The following FBXO31 variants were observed in gnomAD, a reference collection of about 807,000 sequenced individuals.
FBXO31 encodes the protein F-box protein 31.
In FBXO31, 24 loss-of-function variants were observed where a neutral mutation model predicts 54.4. That is an observed-to-expected ratio of 0.44 (90% CI 0.32 to 0.62). The LOEUF (loss-of-function observed/expected upper bound fraction) is 0.62, where lower values mean the gene tolerates loss of function less well. Ranked by LOEUF, FBXO31 falls within the 20% of genes least tolerant of loss-of-function variation. The pLI is 0.05. For synonymous variants in FBXO31, 388 were observed against 335.6 expected, an observed-to-expected ratio of 1.16 and a Z score of -1.71; for missense variants, 665 against 787.1, an observed-to-expected ratio of 0.84 and a Z score of 1.86.
At chr16:87,382,964 C>G (rs1396047852) in intron 1 of FBXO31, among the ~76,000 whole-genome samples, 1 of 152,150 alleles carries the variant, frequency 6.6e-6, no homozygotes, top group African/African-American at 2.4e-5. Flanking sequence ...CACCTCGTCT[C>G]TGGTCAGGGC....
chr16:87,333,782 G>A (rs930255486), intron 8 of FBXO31, 104 bp downstream of exon 8: 4 of 1,487,354 alleles, frequency 2.7e-6, no homozygotes, highest in Admixed American at 4.6e-5. Context: ...GCCGCCCTCT[G>A]TGAGGTCACA....
At chr16:87,388,749 T>C (rs1177360967), upstream of FBXO31, 1 of 152,270 alleles carries the variant, frequency 6.6e-6, no homozygotes, top group Admixed American at 6.5e-5. Flanking sequence ...CCCACGGTTA[T>C]GGTCATTTCC....
chr16:87,346,200 G>A lies in FBXO31; in HGVS notation c.489+974C>T, dbSNP rs988105807. 2.6e-5 allele frequency among the ~76,000 whole-genome samples: 4 copies of A among 152,118 alleles called. No homozygotes were observed. The highest frequency in any genetic ancestry group is 6.5e-5 in the Admixed American group (1 of 15,280). On this transcript the variant is annotated intron_variant, in intron 3 of 8. Transcript: ENST00000311635. The surrounding 1 kb of genome is among the most constrained non-coding windows in gnomAD (Gnocchi z 4.2). Reference sequence around the variant, plus strand: ...GGACGCTTCCCCAAGCCTGAGACGCGCGCATACCCCGGGCCTGCGCAGAGC... The same window carrying A: ...GGACGCTTCCCCAAGCCTGAGACGCACGCATACCCCGGGCCTGCGCAGAGC...
intron 3 of FBXO31, 47 bp from the exon 4 acceptor site, chr16:87,343,812 A>G (rs750749073): frequency 8.7e-6 from 14 of 1,606,478 alleles, no homozygotes; most frequent in Non-Finnish European, 1.2e-5. Flanking sequence ...CCCGGGCCAG[A>G]GCAAGGGCGG....
upstream of FBXO31, among the ~76,000 whole-genome samples, chr16:87,386,455 C>T (rs904995923): frequency 3.3e-5 from 5 of 152,112 alleles, no homozygotes; most frequent in African/African-American, 7.2e-5. Context: ...TATTTAGAGA[C>T]GGAGTCTCAC....
rs1904798792 is a variant in FBXO31 at position 87,330,167 on chromosome 16, A to C, written c.*1121T>G. 6.6e-6 allele frequency: 1 copy of C among 152,456 alleles called. No homozygotes were observed. The highest frequency in any genetic ancestry group is 2.4e-5 in the African/African-American group (1 of 41,468). 9.4% of individuals were successfully genotyped at this position (152,456 alleles called of 1,614,324 possible). A position where few individuals can be genotyped will look rare whatever the true frequency, so the allele number is the denominator to read the frequency against. On this transcript the variant is annotated 3_prime_UTR_variant, in exon 9 of 9. Transcript: ENST00000311635. ...CTTCAGGAGATGCCAACCTCAGCCAAGACCTCAGATGGGGTCCCCACACGC... is the reference window on the plus strand; with the variant it reads ...CTTCAGGAGATGCCAACCTCAGCCACGACCTCAGATGGGGTCCCCACACGC...
At chr16:87,380,127 G>A (rs1041524992) in intron 1 of FBXO31, among the ~76,000 whole-genome samples, 1 of 151,150 alleles carries the variant, frequency 6.6e-6, no homozygotes, top group South Asian at 2.1e-4. Context: ...GTGAAACCCC[G>A]TCTCTACTAA....
chr16:87,342,392 C>G (rs999933476), intron 5 of FBXO31, among the ~76,000 whole-genome samples: 2 of 152,152 alleles, frequency 1.3e-5, no homozygotes, highest in African/African-American at 2.4e-5. Flanking sequence ...AGACTTAGAT[C>G]CTTGAAAGCT....
Position 87,336,237 on chromosome 16 carries a change from A to C in FBXO31, c.760T>G (p.Trp254Gly). ...AAGATGTCCTCCAGCGTGCGCCCCC[A>C]TTCCTCCCTCAGCCACGTCCGAAAC... is the stretch of plus-strand genomic sequence containing the variant. ...EEFRTWLREE[W>G]GRTLEDIFHE... Residue 254 changes from tryptophan to glycine, a missense_variant, in exon 6 of 9, where the codon TGG becomes GGG. Around this residue, in one of 4 missense-constraint regions of FBXO31, gnomAD observed 234 missense variants for 346.8 expected, o/e 0.67. Coordinates refer to ENST00000311635, the MANE Select transcript of FBXO31 (RefSeq NM_024735.5). This position sits in a 1 kb window ranked among gnomAD's most constrained non-coding sequence, Gnocchi z 6.5. 2 of 1,614,096 alleles carry C rather than the reference A, an allele frequency of 1.2e-6. No individual in the cohort carries two copies. Among genetic ancestry groups the C allele is most frequent in the Non-Finnish European group, 1.7e-6 (2 of 1,180,026 alleles).
intron 2 of FBXO31, among the ~76,000 whole-genome samples, chr16:87,359,638 G>A (rs1271937552): frequency 6.6e-6 from 1 of 152,218 alleles, no homozygotes; most frequent in East Asian, 1.9e-4. Context: ...AAAACGTGGG[G>A]TATGAGACAC....
chr16:87,383,598 C>T lies in FBXO31; in HGVS notation c.147G>A (p.Gly49=). 6 of 1,475,582 alleles carry T rather than the reference C, an allele frequency of 4.1e-6. No individual in the cohort carries two copies. The highest frequency in any genetic ancestry group is 3.6e-6 in the Non-Finnish European group (4 of 1,118,798). 91.4% of individuals were successfully genotyped at this position (1,475,582 alleles called of 1,614,324 possible). The change falls in exon 1 of 9, where the codon GGG becomes GGA. Residue 49 remains glycine (G), a synonymous_variant. Coordinates refer to ENST00000311635, the MANE Select transcript of FBXO31 (RefSeq NM_024735.5). This position sits in a 1 kb window ranked among gnomAD's most constrained non-coding sequence, Gnocchi z 4.9. ...GGCCCGCGCACAAGCCGCCCCCGAC[C>T]CCGGCGCTAGCCTCGATGCGCTCCT... ...PEEERIEASA[G]VGGGLCAGPS...
At chr16:87,333,810 C>T in intron 8 of FBXO31, 76 bp downstream of exon 8, 1 of 1,518,224 alleles carries the variant, frequency 6.6e-7, no homozygotes, top group East Asian at 2.3e-5. Flanking sequence ...TCCGCCTGTG[C>T]TAGGTGTGGG....
At chr16:87,364,559 C>A (rs1005659319) in intron 1 of FBXO31, among the ~76,000 whole-genome samples, 2 of 152,164 alleles carry the variant, frequency 1.3e-5, no homozygotes, top group Non-Finnish European at 2.9e-5. Flanking sequence ...TCAGGTTGAA[C>A]CAGAGGCCTG....
rs1217160031 is a variant in FBXO31, at chr16:87,330,743, A to G, written c.*545T>C. ...CCAGAGTCCCGGCCCCAAGCCTGAG[A>G]TCCTACCAACTTCCCGAGCTTGCTC... On this transcript the variant is annotated 3_prime_UTR_variant, in exon 9 of 9. Coordinates refer to ENST00000311635, the MANE Select transcript of FBXO31 (RefSeq NM_024735.5). The G allele has an allele frequency of 6.5e-6, 1 of 153,026 alleles. No homozygotes were observed. Among genetic ancestry groups the G allele is most frequent in the Non-Finnish European group, 1.5e-5 (1 of 68,616 alleles). The allele number at this position is 153,026 out of a possible 1,614,324, so 9.5% of individuals were successfully genotyped here.
chr16:87,378,994 G>C (rs1192119051), intron 1 of FBXO31, among the ~76,000 whole-genome samples: 1 of 151,030 alleles, frequency 6.6e-6, no homozygotes, highest in African/African-American at 2.4e-5. Flanking sequence ...TATAGATATA[G>C]ACATAGATAT....
At chr16:87,364,846 A>C (rs1906284788) in intron 1 of FBXO31, among the ~76,000 whole-genome samples, 1 of 150,614 alleles carries the variant, frequency 6.6e-6, no homozygotes. Context: ...ACATGGCGAG[A>C]GCCCATCTCT....
At chr16:87,388,650 C>T (rs1239684471), upstream of FBXO31, 1 of 152,214 alleles carries the variant, frequency 6.6e-6, no homozygotes, top group Non-Finnish European at 1.5e-5. Context: ...TTGACAGGTT[C>T]TTACACACAG....
At chr16:87,384,024 C>G (rs1049421648), upstream of FBXO31, 6 of 194,908 alleles carry the variant, frequency 3.1e-5, no homozygotes, top group Non-Finnish European at 6.2e-5. Flanking sequence ...CGTTAGACTG[C>G]CCCGTGTGAG....
rs1038838345 is a variant in FBXO31, at chr16:87,383,745, G to A, written c.-1C>T. The stretch of plus-strand genomic sequence containing the variant: ...CGCAAAGGCGAGCACACACCGCCAT[G>A]CCGCCCAGTGACGGCCACTGCTGCC... On this transcript the variant is annotated 5_prime_UTR_variant, in exon 1 of 9. Transcript: ENST00000311635. This position sits in a 1 kb window ranked among gnomAD's most constrained non-coding sequence, Gnocchi z 4.9. 59 of 1,210,364 alleles carry A rather than the reference G, an allele frequency of 4.9e-5. 1 individual carries two copies. The highest frequency in any genetic ancestry group is 3.1e-4 in the Admixed American group (7 of 22,308). 75.0% of individuals were successfully genotyped at this position (1,210,364 alleles called of 1,614,324 possible).
Sources: allele counts gnomAD v4.1 joint callset (sites outside exome capture counted in the v4.1 genomes callset), GRCh38; gene constraint gnomAD v4.1.1; regional missense constraint gnomAD v4.1.1; non-coding constraint Gnocchi (gnomAD v3.1); transcripts MANE v1.5; gene names NCBI Gene and HGNC (gene_info 2026-07-23, HGNC 2026-07-21).